The following BRSK2 variants were observed in gnomAD, a reference collection of about 807,000 sequenced individuals.
BRSK2 encodes the protein serine/threonine-protein kinase BRSK2.
A neutral mutation model predicts 83.3 loss-of-function variants in BRSK2; 19 were observed. That is an observed-to-expected ratio of 0.23 (90% confidence interval 0.16 to 0.33). BRSK2 has a LOEUF of 0.33. Among genes scored for constraint, BRSK2 ranks in the 10% least tolerant of loss-of-function variants. The probability of loss-of-function intolerance (pLI) is 1.00; values close to 1 mark genes in which losing one functional copy is unlikely to be tolerated. For missense variants in BRSK2, 798 were observed against 1,042.3 expected, an observed-to-expected ratio of 0.77 and a Z score of 3.23; for synonymous variants, 519 against 435.4, an observed-to-expected ratio of 1.19 and a Z score of -2.39.
chr11:1,446,149 G>A (rs1004407671), intron 12 of BRSK2, among the ~76,000 whole-genome samples: 10 of 142,314 alleles, frequency 7.0e-5, no homozygotes, highest in Admixed American at 2.0e-4. Flanking sequence ...ACTGGACTGG[G>A]CTAGGCTGAG....
intron 1 of BRSK2, among the ~76,000 whole-genome samples, chr11:1,407,187 G>A (rs747304052): frequency 2.0e-5 from 3 of 152,136 alleles, no homozygotes; most frequent in Admixed American, 1.3e-4. Context: ...TGGTGTCTGC[G>A]TGGGTCCCCC....
Position 1,450,679 on chromosome 11 carries a change from C to T in BRSK2, c.1380C>T (p.Pro460=), listed in dbSNP as rs1236935109. The change falls in exon 14 of 20, where the codon CCC becomes CCT. Residue 460 remains proline, a synonymous_variant. Coordinates refer to ENST00000528841, the MANE Select transcript of BRSK2 (RefSeq NM_001256627.2). ...HTPKESPAGT[P]NPTPPSSPSV... Reference sequence around the variant, plus strand: ...CAAAGGAGAGCCCGGCTGGCACGCCCAACCCCACGCCCCCGTCCAGCCCCA... The same window carrying T: ...CAAAGGAGAGCCCGGCTGGCACGCCTAACCCCACGCCCCCGTCCAGCCCCA... 1.2e-6 allele frequency: 2 copies of T among 1,609,294 alleles called. No homozygotes were observed. The highest frequency in any genetic ancestry group is 1.3e-5 in the African/African-American group (1 of 74,738).
At chr11:1,436,002 C>T in intron 1 of BRSK2, 38 bp from the exon 2 acceptor site, 4 of 1,536,860 alleles carry the variant, frequency 2.6e-6, no homozygotes, top group Non-Finnish European at 3.6e-6. Context: ...CTGCAGGCAC[C>T]CTGGGTGGGT....
chr11:1,458,819 G>A (rs1846998719), intron 18 of BRSK2, among the ~76,000 whole-genome samples: 1 of 152,218 alleles, frequency 6.6e-6, no homozygotes. Context: ...TGGAGCTGCT[G>A]AGTGGCACAG....
At chr11:1,420,124 C>G (rs1382252841) in intron 1 of BRSK2, among the ~76,000 whole-genome samples, 1 of 152,218 alleles carries the variant, frequency 6.6e-6, no homozygotes, top group East Asian at 1.9e-4. Flanking sequence ...TGCCCGGAGG[C>G]TCGGTGTCCG....
At chr11:1,459,082 A>G (rs1847045067) in intron 18 of BRSK2, 110 bp from the exon 19 acceptor site, 7 of 933,440 alleles carry the variant, frequency 7.5e-6, no homozygotes, top group South Asian at 2.2e-5. Flanking sequence ...CTGGGGCCCT[A>G]CCCACTCCTG....
chr11:1,436,086 C>T lies in BRSK2; in HGVS notation c.138C>T (p.Ala46=), dbSNP rs1425822770. ...GVHCVTCQKV[A]IKIVNREKLS... ...ACTGCGTCACCTGCCAGAAGGTGGCCATCAAGATCGTCAACCGTGAGAAGC... is the reference window on the plus strand; with the variant it reads ...ACTGCGTCACCTGCCAGAAGGTGGCTATCAAGATCGTCAACCGTGAGAAGC... The change falls in exon 2 of 20, where the codon GCC becomes GCT. Residue 46 remains alanine, a synonymous_variant. Transcript: ENST00000528841. 5 of 1,577,196 alleles carry T rather than the reference C, an allele frequency of 3.2e-6. No homozygotes were observed. In the East Asian group the frequency reaches 9.5e-5, roughly 30 times the overall value.
At chr11:1,456,918 C>G (rs750979326) in intron 18 of BRSK2, 3 of 1,588,620 alleles carry the variant, frequency 1.9e-6, no homozygotes, top group Non-Finnish European at 2.6e-6. Flanking sequence ...TAGGGCGCAG[C>G]CGCACCACAC....
intron 1 of BRSK2, among the ~76,000 whole-genome samples, chr11:1,397,882 G>A (rs529640191): frequency 6.6e-6 from 1 of 152,298 alleles, no homozygotes; most frequent in South Asian, 2.1e-4. Flanking sequence ...TGGGCACCTT[G>A]GCCTGAGGGG....
At chr11:1,426,694 A>T (rs1849270160) in intron 1 of BRSK2, among the ~76,000 whole-genome samples, 1 of 151,980 alleles carries the variant, frequency 6.6e-6, no homozygotes, top group South Asian at 2.1e-4. Context: ...TCCCTCCAGG[A>T]GGTGGTTGCT....
chr11:1,394,222 C>A (rs1243062917), intron 1 of BRSK2, among the ~76,000 whole-genome samples: 2 of 96,604 alleles, frequency 2.1e-5, no homozygotes, highest in African/African-American at 4.4e-5. Flanking sequence ...TGGAGATGGG[C>A]CCCTGGAGAT....
chr11:1,438,653 C>T lies in BRSK2; in HGVS notation c.272+262C>T, dbSNP rs570879874. On this transcript the variant is annotated intron_variant, in intron 3 of 19. Coordinates refer to ENST00000528841, the MANE Select transcript of BRSK2 (RefSeq NM_001256627.2). The surrounding 1 kb of genome is among the most constrained non-coding windows in gnomAD (Gnocchi z 6.4). ...CCAGCCTGAGGCTGGCAAGGGGGAA[C>T]AGGACCTTCTGGAGGGGAGATAGGA... 1.3e-3 allele frequency among the ~76,000 whole-genome samples: 197 copies of T among 152,258 alleles called. No homozygotes were observed. Among genetic ancestry groups the T allele is most frequent in the African/African-American group, 4.5e-3 (187 of 41,544 alleles).
At position 1,391,534 on chromosome 11, in the gene BRSK2, G is replaced by A. The variant is rs868183692; in HGVS notation, c.91+1159G>A. 6.2e-4 allele frequency among the ~76,000 whole-genome samples: 94 copies of A among 152,318 alleles called. 1 individual carries two copies. Among genetic ancestry groups the A allele is most frequent in the African/African-American group, 2.1e-3 (88 of 41,574 alleles). On this transcript the variant is annotated intron_variant, in intron 1 of 19. Transcript: ENST00000528841. ...GCTGCAGGAAGGGGTTTAGACTGAG[G>A]GGTTCAGGGGAGCTGCCTCACCTTG...
At chr11:1,441,912 G>C in intron 4 of BRSK2, among the ~76,000 whole-genome samples, 1 of 6,216 alleles carries the variant, frequency 1.6e-4, no homozygotes. Flanking sequence ...CTACCCCTCA[G>C]GTGCATCATC....
intron 1 of BRSK2, chr11:1,411,493 G>A: frequency 6.7e-7 from 1 of 1,488,884 alleles, no homozygotes; most frequent in Non-Finnish European, 8.9e-7. Context: ...AGAGAGCCCA[G>A]GTCTGGCCCA....
chr11:1,392,445 C>CTTTGT (rs1845786462), intron 1 of BRSK2, among the ~76,000 whole-genome samples: 1 of 152,216 alleles, frequency 6.6e-6, no homozygotes, highest in South Asian at 2.1e-4. Flanking sequence ...TGGCTGGCAG[C>CTTTGT]TTTGTTTGGC....
chr11:1,403,314 G>A (rs1321179485), intron 1 of BRSK2, among the ~76,000 whole-genome samples: 1 of 152,208 alleles, frequency 6.6e-6, no homozygotes, highest in African/African-American at 2.4e-5. Context: ...GAGCACGTGA[G>A]GCAGCCACCC....
At chr11:1,447,615 C>A (rs1477956203) in intron 12 of BRSK2, among the ~76,000 whole-genome samples, 1 of 152,146 alleles carries the variant, frequency 6.6e-6, no homozygotes, top group African/African-American at 2.4e-5. Context: ...TACCAGGCCA[C>A]CCTGCCCAGC....
chr11:1,400,243 C>T (rs549224872), intron 1 of BRSK2, among the ~76,000 whole-genome samples: 1 of 152,302 alleles, frequency 6.6e-6, no homozygotes, highest in Admixed American at 6.5e-5. Flanking sequence ...AGTCTCCCGC[C>T]CCCTCCATGG....
Sources: allele counts gnomAD v4.1 joint callset (sites outside exome capture counted in the v4.1 genomes callset), GRCh38; gene constraint gnomAD v4.1.1; non-coding constraint Gnocchi (gnomAD v3.1); transcripts MANE v1.5; gene names NCBI Gene and HGNC (gene_info 2026-07-23, HGNC 2026-07-21).